The following MRTFA variants were observed in gnomAD, a reference collection of about 807,000 sequenced individuals.
MRTFA encodes myocardin related transcription factor A, also known as myocardin-related transcription factor A.
Under a neutral mutation model 83.5 loss-of-function variants are expected in MRTFA, and 20 were observed. That is an observed-to-expected ratio of 0.24 (90% CI 0.17 to 0.35). MRTFA has a LOEUF of 0.35. MRTFA is among the 10% of genes least tolerant of loss of function. The pLI is 1.00. For missense variants in MRTFA, 1,200 were observed against 1,224.7 expected (o/e 0.98, Z 0.30); for synonymous variants, 659 against 541.2 (o/e 1.22, Z -3.02).
chr22:40,429,667 G>A lies in MRTFA; in HGVS notation c.540C>T (p.Pro180=). ...GGATGTTCTTCTCCACCAGCTCCATGGGGCCAGGCCTCTGTGCAATCTTCT... is the reference window on the plus strand; with the variant it reads ...GGATGTTCTTCTCCACCAGCTCCATAGGGCCAGGCCTCTGTGCAATCTTCT... Residue 180 remains proline (P), a synonymous_variant, in exon 7 of 15, where the codon CCC becomes CCT. Coordinates refer to ENST00000355630, the MANE Select transcript of MRTFA (RefSeq NM_020831.6). The A allele has an allele frequency of 6.2e-7, 1 of 1,614,136 alleles. No individual in the cohort carries two copies. Among genetic ancestry groups the A allele is most frequent in the Non-Finnish European group, 8.5e-7 (1 of 1,180,014 alleles).
intron 3 of MRTFA, among the ~76,000 whole-genome samples, chr22:40,506,837 G>A (rs940574663): frequency 6.6e-5 from 10 of 152,134 alleles, no homozygotes; most frequent in African/African-American, 9.7e-5. Context: ...ACAGCTAACC[G>A]AGTGTACTAG....
chr22:40,614,470 T>C (rs1008018138), intron 1 of MRTFA, among the ~76,000 whole-genome samples: 4 of 151,996 alleles, frequency 2.6e-5, no homozygotes. Flanking sequence ...TTTTTACATG[T>C]TTTGGACATT....
In MRTFA at chr22:40,592,194, C is replaced by T. The variant is rs193241518; in HGVS notation, c.-22+2480G>A. ...TGTAAATCCCAACACTTTGGGAGGC[C>T]GGGGTAGGAGAATTACTTGAGGCCA... On this transcript the variant is annotated intron_variant, in intron 2 of 14. Transcript: ENST00000355630. 2.1e-5 allele frequency among the ~76,000 whole-genome samples: 3 copies of T among 142,808 alleles called. No homozygotes were observed. In the Admixed American group the frequency reaches 2.2e-4, roughly 11 times the overall value. The allele number at this position is 142,808 out of a possible 152,430, so 93.7% of individuals were successfully genotyped here. A position where few individuals can be genotyped will look rare whatever the true frequency, so the allele number is the denominator to read the frequency against.
In MRTFA at chr22:40,459,820, CACATAT is replaced by C. The variant is rs1430436348; in HGVS notation, c.307+3395_307+3400del. ...ACACACACACACACACACACACACA[CACATAT>C]ATACATATATATATATATATATATA... On this transcript the variant is annotated intron_variant, in intron 4 of 14. Transcript: ENST00000355630. Among the ~76,000 whole-genome samples, 63 of 82,936 alleles carry C rather than the reference CACATAT, an allele frequency of 7.6e-4. 1 individual carries two copies. The highest frequency in any genetic ancestry group is 3.5e-3 in the African/African-American group (62 of 17,916). The allele number at this position is 82,936 out of a possible 152,430, so 54.4% of individuals were successfully genotyped here. A position where few individuals can be genotyped will look rare whatever the true frequency, so the allele number is the denominator to read the frequency against.
chr22:40,441,924 G>A (rs2053284966), intron 4 of MRTFA, among the ~76,000 whole-genome samples: 1 of 152,056 alleles, frequency 6.6e-6, no homozygotes, highest in Admixed American at 6.5e-5. Flanking sequence ...CGACACAGAT[G>A]TGTGATGACA....
intron 3 of MRTFA, among the ~76,000 whole-genome samples, chr22:40,499,109 CTGTT>C (rs2054411745): frequency 6.6e-6 from 1 of 152,148 alleles, no homozygotes; most frequent in African/African-American, 2.4e-5. Flanking sequence ...TAAAAATGAT[CTGTT>C]TAACATTTCT....
intron 4 of MRTFA, among the ~76,000 whole-genome samples, chr22:40,456,472 T>C (rs1319918681): frequency 6.6e-6 from 1 of 152,102 alleles, no homozygotes; most frequent in African/African-American, 2.4e-5. Context: ...CAGATCATTT[T>C]GAGCCCAGAG....
chr22:40,539,995 G>A (rs762842348), intron 3 of MRTFA, among the ~76,000 whole-genome samples: 2 of 141,832 alleles, frequency 1.4e-5, no homozygotes, highest in Admixed American at 7.4e-5. Flanking sequence ...CTGCAGCCTC[G>A]ACCTCCCAGG....
At chr22:40,432,358 G>T (rs1351960666) in intron 5 of MRTFA, among the ~76,000 whole-genome samples, 1 of 152,126 alleles carries the variant, frequency 6.6e-6, no homozygotes, top group Non-Finnish European at 1.5e-5. Context: ...AATGGAATAT[G>T]AATTTTGACA....
intron 9 of MRTFA, 67 bp downstream of exon 9, chr22:40,423,469 A>G (rs972965954): frequency 3.2e-5 from 43 of 1,341,456 alleles, no homozygotes; most frequent in Middle Eastern, 4.0e-4. Flanking sequence ...CACAGCTGGA[A>G]TGAAGTCACA....
chr22:40,479,127 C>A (rs2054046658), intron 3 of MRTFA, among the ~76,000 whole-genome samples: 1 of 152,136 alleles, frequency 6.6e-6, no homozygotes, highest in Non-Finnish European at 1.5e-5. Flanking sequence ...GATAAGCAAG[C>A]TGAGCGCTTG....
intron 1 of MRTFA, among the ~76,000 whole-genome samples, chr22:40,595,474 T>C (rs981619952): frequency 6.6e-6 from 1 of 152,150 alleles, no homozygotes. Context: ...AGGTGGGTTA[T>C]CATAATGGTT....
At chr22:40,525,689 G>GC (rs1338365552) in intron 3 of MRTFA, among the ~76,000 whole-genome samples, 1 of 152,100 alleles carries the variant, frequency 6.6e-6, no homozygotes, top group Non-Finnish European at 1.5e-5. Context: ...ATACTGTAGT[G>GC]CCTCTTCAGT....
intron 1 of MRTFA, among the ~76,000 whole-genome samples, chr22:40,614,821 G>C (rs2056430750): frequency 6.6e-6 from 1 of 152,046 alleles, no homozygotes; most frequent in Admixed American, 6.6e-5. Flanking sequence ...GTCCATTCAA[G>C]TCTTCTACTT....
chr22:40,577,609 ATT>A (rs71199293), intron 2 of MRTFA, among the ~76,000 whole-genome samples: 48 of 129,788 alleles, frequency 3.7e-4, no homozygotes, highest in Middle Eastern at 3.8e-3. Context: ...TCTACATCTG[ATT>A]TTTTTTTTTT....
intron 2 of MRTFA, among the ~76,000 whole-genome samples, chr22:40,554,142 C>T (rs748761923): frequency 6.6e-6 from 1 of 152,222 alleles, no homozygotes; most frequent in Non-Finnish European, 1.5e-5. Flanking sequence ...TTCGATTTTA[C>T]AGGCTCATAG....
intron 3 of MRTFA, among the ~76,000 whole-genome samples, chr22:40,529,206 T>C (rs1235600786): frequency 6.6e-6 from 1 of 152,138 alleles, no homozygotes; most frequent in Non-Finnish European, 1.5e-5. Context: ...TTCTAAAACA[T>C]ACAGTGCAGA....
At chr22:40,582,341 C>T (rs1235857917) in intron 2 of MRTFA, among the ~76,000 whole-genome samples, 1 of 152,150 alleles carries the variant, frequency 6.6e-6, no homozygotes. Context: ...TGGACTATTC[C>T]ATGTTTTCCC....
chr22:40,424,231 C>A lies in MRTFA; in HGVS notation c.752G>T (p.Ser251Ile). The A allele has an allele frequency of 6.2e-7, 1 of 1,604,782 alleles. No individual in the cohort carries two copies. Among genetic ancestry groups the A allele is most frequent in the South Asian group, 1.1e-5 (1 of 89,838 alleles). Residue 251 changes from serine to isoleucine, a missense_variant, in exon 8 of 15, where the codon AGT becomes ATT. Coordinates refer to ENST00000355630, the MANE Select transcript of MRTFA (RefSeq NM_020831.6). ...CTGGGTGGGGGATGCAGAGGTGGCACTGAGCAGTGGTTCGCTGACTCGGGC... is the reference window on the plus strand; with the variant it reads ...CTGGGTGGGGGATGCAGAGGTGGCAATGAGCAGTGGTTCGCTGACTCGGGC...
Sources: allele counts gnomAD v4.1 joint callset (sites outside exome capture counted in the v4.1 genomes callset), GRCh38; gene constraint gnomAD v4.1.1; transcripts MANE v1.5; gene names NCBI Gene and HGNC (gene_info 2026-07-23, HGNC 2026-07-21).